Variants in RAP1A observed in about 807,000 individuals in gnomAD.
RAP1A encodes the protein ras-related protein Rap-1A.
In RAP1A, 6 loss-of-function variants were observed where a neutral mutation model predicts 26.4. The ratio of observed to expected loss-of-function variants is 0.23; its 90% CI spans 0.12 to 0.45. The LOEUF (loss-of-function observed/expected upper bound fraction) is 0.45. Ranked by LOEUF, RAP1A falls within the 20% of genes least tolerant of loss-of-function variation. The pLI is 0.99. For missense variants in RAP1A, 121 were observed against 217.2 expected (o/e 0.56, Z 2.78); for synonymous variants, 73 against 79.4 (o/e 0.92, Z 0.43).
chr1:111,657,805 T>A (rs1029864611), intron 1 of RAP1A, among the ~76,000 whole-genome samples: 3 of 152,308 alleles, frequency 2.0e-5, no homozygotes, highest in Admixed American at 2.0e-4. Flanking sequence ...TTTATAAATT[T>A]TAATATGTTG....
At chr1:111,703,213 GT>G (rs1662077177) in intron 4 of RAP1A, 122 bp from the exon 5 acceptor site, 5 of 622,744 alleles carry the variant, frequency 8.0e-6, no homozygotes, top group Non-Finnish European at 9.8e-6. Context: ...GTTATGTCTT[GT>G]TTTCTGTCAG....
chr1:111,552,399 A>G (rs1334961631), intron 1 of RAP1A, among the ~76,000 whole-genome samples: 2 of 152,204 alleles, frequency 1.3e-5, no homozygotes, highest in African/African-American at 4.8e-5. Context: ...TTTTTCCTGA[A>G]TACGTGTTCC....
chr1:111,614,940 A>G (rs185283055), upstream of RAP1A, among the ~76,000 whole-genome samples: 1 of 152,322 alleles, frequency 6.6e-6, no homozygotes, highest in East Asian at 1.9e-4. Context: ...GTGTGGAATG[A>G]ATAGGAACTA....
intron 1 of RAP1A, among the ~76,000 whole-genome samples, chr1:111,548,677 G>A (rs561463239): frequency 6.6e-6 from 1 of 152,312 alleles, no homozygotes; most frequent in South Asian, 2.1e-4. Context: ...ATAAATGGAT[G>A]TGGATGGTCT....
At chr1:111,695,593 T>C (rs970589797) in intron 3 of RAP1A, among the ~76,000 whole-genome samples, 184 bp downstream of exon 3, 3 of 152,228 alleles carry the variant, frequency 2.0e-5, no homozygotes, top group Admixed American at 2.0e-4. Flanking sequence ...TTCAGAGCTC[T>C]ATGTTCTGTT....
Position 111,619,869 on chromosome 1 carries a change from G to GGAGGGAGGA in RAP1A, c.-91_-83dup, listed in dbSNP as rs1226492669. On this transcript the variant is annotated 5_prime_UTR_variant, in exon 1 of 8. Transcript: ENST00000369709. Reference sequence around the variant, plus strand: ...GCCGGAGCAGGAGCCACGGCCGAGAGGAGGGAGGAGGAGGAGGAGGAGGTG... The same window carrying GGAGGGAGGA: ...GCCGGAGCAGGAGCCACGGCCGAGAGGAGGGAGGAGAGGGAGGAGGAGGAGGAGGAGGTG... The GGAGGGAGGA allele has an allele frequency of 1.8e-5, 7 of 397,996 alleles. No individual in the cohort carries two copies. The highest frequency in any genetic ancestry group is 3.1e-5 in the Non-Finnish European group (7 of 225,934). 24.7% of individuals were successfully genotyped at this position (397,996 alleles called of 1,614,324 possible). A position where few individuals can be genotyped will look rare whatever the true frequency, so the allele number is the denominator to read the frequency against.
chr1:111,636,400 T>A (rs544623858), intron 1 of RAP1A, among the ~76,000 whole-genome samples: 1 of 152,168 alleles, frequency 6.6e-6, no homozygotes, highest in African/African-American at 2.4e-5. Flanking sequence ...GTTGCTTATT[T>A]CTTTTCTGTT....
intron 1 of RAP1A, among the ~76,000 whole-genome samples, chr1:111,650,872 GC>G (rs1390998267): frequency 3.9e-5 from 6 of 151,916 alleles, no homozygotes; most frequent in Non-Finnish European, 7.4e-5. Flanking sequence ...CACTGCAACG[GC>G]TCACTGCAAC....
At chr1:111,585,025 A>T (rs4839150) in intron 1 of RAP1A, among the ~76,000 whole-genome samples, 83,303 of 152,054 alleles carry the variant, frequency 0.55, 23,475 homozygotes, top group African/African-American at 0.68. Flanking sequence ...AATCAATAGA[A>T]TGTTTCTATG....
intron 1 of RAP1A, among the ~76,000 whole-genome samples, chr1:111,582,507 A>G (rs1227776378): frequency 6.6e-6 from 1 of 152,204 alleles, no homozygotes; most frequent in Non-Finnish European, 1.5e-5. Flanking sequence ...CTTTCCTATG[A>G]CAGCAAAAAC....
At chr1:111,682,446 GAC>G (rs1159120102) in intron 1 of RAP1A, among the ~76,000 whole-genome samples, 2 of 148,760 alleles carry the variant, frequency 1.3e-5, no homozygotes, top group Non-Finnish European at 3.0e-5. Flanking sequence ...CATGTGCAAA[GAC>G]ACACATAGGC....
At chr1:111,691,496 A>T in intron 2 of RAP1A, 79 bp downstream of exon 2, 1 of 1,318,728 alleles carries the variant, frequency 7.6e-7, no homozygotes, top group Non-Finnish European at 1.1e-6. Flanking sequence ...AGACTTCTAG[A>T]TGCCAAAGAG....
At chr1:111,644,361 G>A (rs1409003852) in intron 1 of RAP1A, among the ~76,000 whole-genome samples, 1 of 152,164 alleles carries the variant, frequency 6.6e-6, no homozygotes, top group Non-Finnish European at 1.5e-5. Flanking sequence ...CTAGGTAATA[G>A]TAAGGAACAA....
chr1:111,691,414 T>C lies in RAP1A; in HGVS notation c.54T>C (p.Ala18=), dbSNP rs1195929376. 2.5e-6 allele frequency: 4 copies of C among 1,611,094 alleles called. No homozygotes were observed. Among genetic ancestry groups the C allele is most frequent in the Non-Finnish European group, 2.5e-6 (3 of 1,177,418 alleles). ...VLGSGGVGKS[A]LTVQFVQGIF... The stretch of plus-strand genomic sequence containing the variant: ...GTTCAGGAGGCGTTGGGAAGTCTGC[T>C]CTGGTAAGTTAGCCACCTAACTGTA... The change falls in exon 2 of 8, where the codon GCT becomes GCC. Residue 18 remains alanine, a synonymous_variant. Transcript: ENST00000369709.
chr1:111,715,861 G>A lies in RAP1A; in HGVS notation c.*3460G>A, dbSNP rs1662526585. 2.0e-5 allele frequency: 3 copies of A among 152,124 alleles called. No homozygotes were observed. The highest frequency in any genetic ancestry group is 2.0e-4 in the Admixed American group (3 of 15,276). The allele number at this position is 152,124 out of a possible 1,614,324, so 9.4% of individuals were successfully genotyped here. A position where few individuals can be genotyped will look rare whatever the true frequency, so the allele number is the denominator to read the frequency against. ...GGACATGGCCAGTTTAAAATATTTT[G>A]CCCCATTACCCTTGTAGATACACAT... On this transcript the variant is annotated 3_prime_UTR_variant, in exon 8 of 8. Transcript: ENST00000369709.
intron 1 of RAP1A, chr1:111,608,213 C>T (rs1189754629): frequency 8.3e-5 from 13 of 156,036 alleles, no homozygotes; most frequent in South Asian, 1.4e-4. Context: ...CGCTCCTCAC[C>T]TCCCAGACGG....
At chr1:111,689,704 C>G (rs999265169) in intron 1 of RAP1A, among the ~76,000 whole-genome samples, 1 of 152,152 alleles carries the variant, frequency 6.6e-6, no homozygotes, top group African/African-American at 2.4e-5. Context: ...CAGTCTCGCT[C>G]TGTCGCCCAG....
intron 1 of RAP1A, chr1:111,649,395 T>C: frequency 2.7e-6 from 1 of 368,086 alleles, no homozygotes. Flanking sequence ...GACCCCAAGC[T>C]GTCCCAGAAG....
intron 1 of RAP1A, among the ~76,000 whole-genome samples, chr1:111,664,017 A>G (rs913948834): frequency 6.6e-6 from 1 of 152,034 alleles, no homozygotes; most frequent in African/African-American, 2.4e-5. Context: ...GGCTTTTCTC[A>G]TCTGATAGGA....
Sources: allele counts gnomAD v4.1 joint callset (sites outside exome capture counted in the v4.1 genomes callset), GRCh38; gene constraint gnomAD v4.1.1; transcripts MANE v1.5; gene names NCBI Gene and HGNC (gene_info 2026-07-23, HGNC 2026-07-21).